The following TFAP4 variants were observed in gnomAD, a reference collection of about 807,000 sequenced individuals.
TFAP4 encodes the protein activating enhancer-binding protein 4.
Under a neutral mutation model 40.4 loss-of-function variants are expected in TFAP4, and 7 were observed. The observed-to-expected ratio is 0.17, with a 90% CI of 0.10 to 0.33. TFAP4 has a LOEUF of 0.33. Among genes scored for constraint, TFAP4 ranks in the 10% least tolerant of loss-of-function variants. The pLI is 1.00. For missense variants in TFAP4, 374 were observed against 451.1 expected (o/e 0.83, Z 1.55); for synonymous variants, 218 against 181.4 (o/e 1.20, Z -1.62).
intron 1 of TFAP4, chr16:4,264,900 G>C (rs2052978922): frequency 6.6e-6 from 1 of 152,084 alleles, no homozygotes. Context: ...CAATCTTGAG[G>C]CATCACCATC....
At chr16:4,270,723 G>A (rs958290173) in intron 1 of TFAP4, among the ~76,000 whole-genome samples, 11 of 152,194 alleles carry the variant, frequency 7.2e-5, no homozygotes, top group Non-Finnish European at 5.9e-5. Flanking sequence ...ATCTCAGGGG[G>A]CCCTGAGAGG....
rs140227708 is a variant in TFAP4 at position 4,261,006 on chromosome 16, T to C, written c.526-411A>G. Among the ~76,000 whole-genome samples, 98 of 152,314 alleles carry C rather than the reference T, an allele frequency of 6.4e-4. 1 individual carries two copies. The East Asian group carries it at 0.018, about 28-fold the overall frequency. ...TTTTTTGAGCCATGGTCTCCTTCTGTCACTCAGGCTGCAGTGTAGTGGCAC... is the reference window on the plus strand; with the variant it reads ...TTTTTTGAGCCATGGTCTCCTTCTGCCACTCAGGCTGCAGTGTAGTGGCAC... On this transcript the variant is annotated intron_variant, in intron 4 of 6. Transcript: ENST00000204517.
intron 6 of TFAP4, among the ~76,000 whole-genome samples, chr16:4,259,136 T>C (rs1312869704): frequency 2.0e-5 from 3 of 152,012 alleles, no homozygotes; most frequent in Non-Finnish European, 4.4e-5. Context: ...CATATGTTTT[T>C]GTTTGTTTGT....
chr16:4,269,616 C>A (rs1368451467), intron 1 of TFAP4, among the ~76,000 whole-genome samples: 1 of 151,604 alleles, frequency 6.6e-6, no homozygotes, highest in East Asian at 1.9e-4. Flanking sequence ...TCGAGACCAT[C>A]CTGGCCAAAA....
At chr16:4,258,871 A>T (rs2052921396) in intron 6 of TFAP4, 1 of 152,062 alleles carries the variant, frequency 6.6e-6, no homozygotes. Context: ...AGACGGGAGG[A>T]TCACCTGACG....
chr16:4,262,890 G>A, intron 1 of TFAP4, 189 bp from the exon 2 acceptor site: 1 of 632,042 alleles, frequency 1.6e-6, no homozygotes, highest in Non-Finnish European at 2.7e-6. Flanking sequence ...AAGATAGTCC[G>A]CTCAGAACCC....
rs191441306 is a variant in TFAP4, at chr16:4,257,234, G to A, written c.*821C>T. 2 of 149,696 alleles carry A rather than the reference G, an allele frequency of 1.3e-5. No homozygotes were observed. The highest frequency in any genetic ancestry group is 2.0e-4 in the East Asian group (1 of 5,106). 9.3% of individuals were successfully genotyped at this position (149,696 alleles called of 1,614,324 possible). On this transcript the variant is annotated 3_prime_UTR_variant, in exon 7 of 7. Transcript: ENST00000204517. ...TTTTGTTTCTTTACAAAGGCACGGT[G>A]GCCTCTTGGTTTTTTTCTCCCCACT...
At chr16:4,264,503 G>C (rs1044256853) in intron 1 of TFAP4, 1 of 152,338 alleles carries the variant, frequency 6.6e-6, no homozygotes, top group South Asian at 2.1e-4. Flanking sequence ...CAGGGTACAA[G>C]TCTCTTACAG....
chr16:4,260,149 G>A lies in TFAP4; in HGVS notation c.763C>T (p.Pro255Ser), dbSNP rs1298309345. The A allele has an allele frequency of 6.2e-7, 1 of 1,609,414 alleles. No homozygotes were observed. The highest frequency in any genetic ancestry group is 1.7e-5 in the Admixed American group (1 of 59,312). ...SHHINVVTMG[P>S]SSVINSVSTS... ...GAAACAGAGTTGATGACCGAGGAGG[G>A]GCCCATGGTGACGACATTGATGTGG... Residue 255 changes from proline (P) to serine (S), a missense_variant, in exon 6 of 7, where the codon CCC (proline) becomes TCC (serine). Physicochemically the swap from Pro to Ser is moderately conservative, Grantham distance 74. Around this residue, in one of 6 missense-constraint regions of TFAP4, gnomAD observed 161 missense variants for 154.2 expected, o/e 1.04. Transcript: ENST00000204517.
chr16:4,260,901 G>T (rs2052942647), intron 4 of TFAP4, among the ~76,000 whole-genome samples: 1 of 152,250 alleles, frequency 6.6e-6, no homozygotes. Flanking sequence ...AGATGCCGTG[G>T]GGCGTCCCTT....
chr16:4,266,148 A>G (rs1031205369), intron 1 of TFAP4: 2 of 152,294 alleles, frequency 1.3e-5, no homozygotes, highest in African/African-American at 4.8e-5. Context: ...ACCAGACCCC[A>G]GTCCCGAAAA....
chr16:4,259,117 T>C (rs187955480), intron 6 of TFAP4, among the ~76,000 whole-genome samples: 137 of 152,010 alleles, frequency 9.0e-4, no homozygotes, highest in African/African-American at 3.2e-3. Flanking sequence ...AGAAATAATA[T>C]GGACCTTTCA....
At chr16:4,258,799 T>C (rs891062702) in intron 6 of TFAP4, 1 of 152,366 alleles carries the variant, frequency 6.6e-6, no homozygotes, top group African/African-American at 2.4e-5. Context: ...TTAGAAATTA[T>C]ATTATATGTA....
chr16:4,269,906 C>A (rs1597316072), intron 1 of TFAP4, among the ~76,000 whole-genome samples: 1 of 152,174 alleles, frequency 6.6e-6, no homozygotes, highest in Admixed American at 6.6e-5. Context: ...AGTGGCTGGG[C>A]GCAGTTGCTC....
rs771744713 is a variant in TFAP4, at chr16:4,258,157, C to T, written c.915G>A (p.Pro305=). The change falls in exon 7 of 7, where the codon CCG becomes CCA. Residue 305 remains proline (P), a synonymous_variant. Coordinates refer to ENST00000204517, the MANE Select transcript of TFAP4 (RefSeq NM_003223.3). ...AVIVKPVRSC[P]EAPTSDTASD... Reference sequence around the variant, plus strand: ...AGGCGGTGTCAGAGGTGGGGGCCTCCGGGCAGCTGCGGACAGGCTTCACGA... The same window carrying T: ...AGGCGGTGTCAGAGGTGGGGGCCTCTGGGCAGCTGCGGACAGGCTTCACGA... The T allele has an allele frequency of 1.2e-5, 19 of 1,613,864 alleles. No individual in the cohort carries two copies. Among genetic ancestry groups the T allele is most frequent in the African/African-American group, 2.7e-5 (2 of 74,910 alleles).
chr16:4,258,469 A>T (rs1206969443), intron 6 of TFAP4: 1 of 495,302 alleles, frequency 2.0e-6, no homozygotes, highest in African/African-American at 2.0e-5. Flanking sequence ...GCTAGAGTGC[A>T]GTGGCATGAT....
chr16:4,262,283 G>T, intron 3 of TFAP4, 41 bp downstream of exon 3: 1 of 1,601,296 alleles, frequency 6.2e-7, no homozygotes, highest in Non-Finnish European at 8.6e-7. Flanking sequence ...TCCAAGGCAT[G>T]CCCATGCCAG....
intron 5 of TFAP4, 69 bp from the exon 6 acceptor site, chr16:4,260,314 G>T: frequency 6.6e-7 from 1 of 1,512,128 alleles, no homozygotes. Context: ...CTTTCATGCA[G>T]AGCTGGCCAA....
chr16:4,270,396 A>G (rs1329417531), intron 1 of TFAP4, among the ~76,000 whole-genome samples: 1 of 152,120 alleles, frequency 6.6e-6, no homozygotes, highest in Non-Finnish European at 1.5e-5. Flanking sequence ...TGAGGGATGG[A>G]GCAAAGCCCA....
Sources: allele counts gnomAD v4.1 joint callset (sites outside exome capture counted in the v4.1 genomes callset), GRCh38; gene constraint gnomAD v4.1.1; regional missense constraint gnomAD v4.1.1; transcripts MANE v1.5; gene names NCBI Gene and HGNC (gene_info 2026-07-23, HGNC 2026-07-21).